RCBTB1: variants seen among roughly 807,000 people sequenced by gnomAD.
RCBTB1 encodes the protein RCC1 and BTB domain-containing protein 1.
A neutral mutation model predicts 62.4 loss-of-function variants in RCBTB1; 46 were observed. The ratio of observed to expected loss-of-function variants is 0.74; its 90% CI spans 0.58 to 0.94. The LOEUF (loss-of-function observed/expected upper bound fraction) is 0.94. RCBTB1 is among the 40% of genes least tolerant of loss of function. The probability of loss-of-function intolerance (pLI) is 0.00; values close to 1 mark genes in which losing one functional copy is unlikely to be tolerated. For synonymous variants in RCBTB1, 222 were observed against 245.8 expected, an observed-to-expected ratio of 0.90 and a Z score of 0.91; for missense variants, 565 against 654.9, an observed-to-expected ratio of 0.86 and a Z score of 1.50.
intron 5 of RCBTB1, among the ~76,000 whole-genome samples, chr13:49,556,251 C>T (rs1448189107): frequency 2.7e-5 from 4 of 145,670 alleles, no homozygotes; most frequent in African/African-American, 1.0e-4. Flanking sequence ...GGCTGGAGTG[C>T]AGTGGTGCGA....
intron 11 of RCBTB1, 67 bp downstream of exon 11, chr13:49,541,609 G>T: frequency 6.9e-7 from 1 of 1,444,294 alleles, no homozygotes. Flanking sequence ...TTACATTTCA[G>T]GACTAAGAAT....
intron 12 of RCBTB1, 135 bp from the exon 13 acceptor site, chr13:49,534,397 A>G (rs1959775247): frequency 1.2e-6 from 1 of 844,828 alleles, no homozygotes; most frequent in Non-Finnish European, 1.8e-6. Flanking sequence ...GATACCTAAA[A>G]CTAGGCAAAA....
intron 12 of RCBTB1, among the ~76,000 whole-genome samples, chr13:49,535,527 T>C (rs1159723462): frequency 6.6e-6 from 1 of 152,030 alleles, no homozygotes; most frequent in African/African-American, 2.4e-5. Context: ...ACTGCAGGTT[T>C]TGACCGCACA....
rs1342033548 is a variant in RCBTB1, at chr13:49,552,159, G to A, written c.711+19C>T. 3.2e-5 allele frequency: 48 copies of A among 1,495,752 alleles called. No homozygotes were observed. Among genetic ancestry groups the A allele is most frequent in the Middle Eastern group, 1.7e-4 (1 of 5,854 alleles). 92.7% of individuals were successfully genotyped at this position (1,495,752 alleles called of 1,614,324 possible). ...GAAGGTAGATGGGAAGCCACTAACT[G>A]AGAGTGCACCACACGTACCTGGTTC... On this transcript the variant is annotated intron_variant, in intron 7 of 12. Coordinates refer to ENST00000378302, the MANE Select transcript of RCBTB1 (RefSeq NM_018191.4).
intron 8 of RCBTB1, chr13:49,550,502 G>A (rs991993254): frequency 5.6e-6 from 4 of 716,948 alleles, no homozygotes; most frequent in Admixed American, 6.3e-5. Context: ...CAATTAGGCT[G>A]AACAACATCA....
chr13:49,541,178 A>T (rs1960333386), intron 11 of RCBTB1, among the ~76,000 whole-genome samples, 172 bp from the exon 12 acceptor site: 4 of 152,180 alleles, frequency 2.6e-5, no homozygotes, highest in Admixed American at 2.6e-4. Context: ...CTCCACTTCC[A>T]CACCTCTCCT....
intron 12 of RCBTB1, 33 bp from the exon 13 acceptor site, chr13:49,534,295 G>A (rs779770604): frequency 6.3e-7 from 1 of 1,596,394 alleles, no homozygotes; most frequent in Non-Finnish European, 8.5e-7. Context: ...AACAAAAATG[G>A]CTTTTTTAGG....
intron 1 of RCBTB1, among the ~76,000 whole-genome samples, chr13:49,582,323 T>C (rs1228854006): frequency 2.6e-5 from 4 of 152,024 alleles, no homozygotes; most frequent in Non-Finnish European, 2.9e-5. Context: ...CCCATCTCTA[T>C]TAAAAATACA....
At chr13:49,578,213 T>C (rs1963899947) in intron 2 of RCBTB1, among the ~76,000 whole-genome samples, 1 of 152,218 alleles carries the variant, frequency 6.6e-6, no homozygotes, top group Non-Finnish European at 1.5e-5. Flanking sequence ...TCCTCCCATA[T>C]ACTTTAAATG....
In RCBTB1 at chr13:49,549,512, C is replaced by G. The variant is rs150189495; in HGVS notation, c.991G>C (p.Asp331His). 1 of 1,613,604 alleles carries G rather than the reference C, an allele frequency of 6.2e-7. No homozygotes were observed. The highest frequency in any genetic ancestry group is 1.1e-5 in the South Asian group (1 of 91,056). ...GGAGTGGCAAAGCAGGCAAACACGT[C>G]GTCGGTGCAGGAGAAGTGGGTGAGG... ...PHLTHFSCTD[D>H]VFACFATPAV... Residue 331 changes from aspartate to histidine, a missense_variant, in exon 9 of 13, where the codon GAC (aspartate) becomes CAC (histidine). Asp to His is a moderately conservative substitution (Grantham distance 81). Coordinates refer to ENST00000378302, the MANE Select transcript of RCBTB1 (RefSeq NM_018191.4).
At chr13:49,560,983 CCT>C (rs1463904104) in intron 4 of RCBTB1, among the ~76,000 whole-genome samples, 1 of 152,098 alleles carries the variant, frequency 6.6e-6, no homozygotes, top group African/African-American at 2.4e-5. Flanking sequence ...CCCGGAAGCT[CCT>C]CTGTCTGAAT....
chr13:49,567,115 T>C, intron 3 of RCBTB1, 39 bp downstream of exon 3: 4 of 1,605,806 alleles, frequency 2.5e-6, no homozygotes, highest in Non-Finnish European at 3.4e-6. Context: ...AATTGCCAAA[T>C]AAGTCCTAAA....
intron 4 of RCBTB1, among the ~76,000 whole-genome samples, chr13:49,562,916 C>T (rs558761879): frequency 2.0e-3 from 309 of 151,266 alleles, no homozygotes; most frequent in Non-Finnish European, 3.9e-3. Context: ...TGAGCCACCA[C>T]ACACAGCCAA....
rs188841642 is a variant in RCBTB1 at position 49,551,584 on chromosome 13, C to T, written c.712-116G>A. The T allele has an allele frequency of 3.6e-3, 4,116 of 1,128,948 alleles. 7 individuals are homozygous for T. The highest frequency in any genetic ancestry group is 4.7e-3 in the Non-Finnish European group (3,765 of 803,058). 69.9% of individuals were successfully genotyped at this position (1,128,948 alleles called of 1,614,324 possible). A position where few individuals can be genotyped will look rare whatever the true frequency, so the allele number is the denominator to read the frequency against. On this transcript the variant is annotated intron_variant, in intron 7 of 12. Coordinates refer to ENST00000378302, the MANE Select transcript of RCBTB1 (RefSeq NM_018191.4). ...ATGCCAAATCATCATCAGGGGTGGA[C>T]TGACATTTGCTGGAACATTAAAAAA...
intron 5 of RCBTB1, 138 bp from the exon 6 acceptor site, chr13:49,555,811 A>C: frequency 1.5e-6 from 1 of 650,134 alleles, no homozygotes; most frequent in South Asian, 2.2e-5. Flanking sequence ...TGCTTTACAC[A>C]CATTAACCTA....
At position 49,559,987 on chromosome 13, in the gene RCBTB1, GAGATTGGTAC is replaced by G; in HGVS notation, c.365_374del (p.Cys122SerfsTer2). 6.2e-7 allele frequency: 1 copy of G among 1,614,136 alleles called. No homozygotes were observed. The highest frequency in any genetic ancestry group is 1.1e-5 in the South Asian group (1 of 91,080). ...CTACTTCCACCACTTGCTTGATCAA[GAGATTGGTAC>G]AGACCTGGACGGGAGCAATGCCTTG... On this transcript the variant is annotated frameshift_variant, in exon 5 of 13. Transcript: ENST00000378302. LOFTEE classifies it high-confidence loss of function.
chr13:49,573,808 G>A (rs1253789854), intron 2 of RCBTB1, among the ~76,000 whole-genome samples: 3 of 128,602 alleles, frequency 2.3e-5, no homozygotes, highest in Middle Eastern at 5.3e-3. Context: ...TTTTGAGACA[G>A]AGCCTCGCTC....
chr13:49,540,751 G>A, intron 12 of RCBTB1, 125 bp downstream of exon 12: 1 of 1,003,382 alleles, frequency 1.0e-6, no homozygotes, highest in Non-Finnish European at 1.4e-6. Flanking sequence ...GTTTTCAATG[G>A]GTTCACTGAT....
At position 49,533,501 on chromosome 13, in the gene RCBTB1, T is replaced by C. The variant is rs947817471; in HGVS notation, c.*621A>G. On this transcript the variant is annotated 3_prime_UTR_variant, in exon 13 of 13. Coordinates refer to ENST00000378302, the MANE Select transcript of RCBTB1 (RefSeq NM_018191.4). ...CTTGACTAACCTAGAATATTTATCT[T>C]TACATAATTATCATTTCAACAGGTT... 6.6e-5 allele frequency: 10 copies of C among 152,222 alleles called. No individual in the cohort carries two copies. Among genetic ancestry groups the C allele is most frequent in the Non-Finnish European group, 1.5e-4 (10 of 68,044 alleles). 9.4% of individuals were successfully genotyped at this position (152,222 alleles called of 1,614,324 possible).
Sources: allele counts gnomAD v4.1 joint callset (sites outside exome capture counted in the v4.1 genomes callset), GRCh38; gene constraint gnomAD v4.1.1; transcripts MANE v1.5; gene names NCBI Gene and HGNC (gene_info 2026-07-23, HGNC 2026-07-21).